TLE6: variants seen among roughly 807,000 people sequenced by gnomAD.
TLE6 encodes TLE family member 6, subcortical maternal complex member.
TLE6 carries 72 observed loss-of-function variants against 77.1 expected under a neutral mutation model. The observed-to-expected ratio is 0.93, with a 90% confidence interval of 0.77 to 1.14. The LOEUF is 1.14. TLE6 is among the 50% of genes most tolerant of loss of function. TLE6 has a pLI of 0.00. For synonymous variants in TLE6, 366 were observed against 287.3 expected (o/e 1.27, Z -2.77); for missense variants, 843 against 747.6 (o/e 1.13, Z -1.49).
chr19:2,978,375 C>T (rs2088722697), intron 2 of TLE6, 91 bp downstream of exon 2: 4 of 1,305,474 alleles, frequency 3.1e-6, no homozygotes, highest in African/African-American at 1.5e-5. Context: ...TGGGCTGGCC[C>T]CGCCCAGGCC....
chr19:2,987,231 A>T lies in TLE6; in HGVS notation c.534A>T (p.Arg178Ser), dbSNP rs746623996. Residue 178 changes from arginine to serine, a missense_variant, in exon 7 of 17, where the codon AGA (arginine) becomes AGT (serine). By Grantham distance (110) the Arg-to-Ser change is moderately radical (BLOSUM62 -1). Coordinates refer to ENST00000246112, the MANE Select transcript of TLE6 (RefSeq NM_001143986.2). Reference protein sequence around the residue: ...AGVHDEKAKPRDRQQAPGLGQ... With the variant: ...AGVHDEKAKPSDRQQAPGLGQ... Reference sequence around the variant, plus strand: ...TCCACGATGAGAAGGCAAAGCCCAGAGACAGACGTGAGTGTCCCTGAGGGT... The same window carrying T: ...TCCACGATGAGAAGGCAAAGCCCAGTGACAGACGTGAGTGTCCCTGAGGGT... 13 of 1,614,022 alleles carry T rather than the reference A, an allele frequency of 8.1e-6. No homozygotes were observed. The highest frequency in any genetic ancestry group is 1.1e-5 in the Non-Finnish European group (13 of 1,180,028).
chr19:2,985,270 C>A (rs2088883088), intron 5 of TLE6, among the ~76,000 whole-genome samples: 1 of 151,940 alleles, frequency 6.6e-6, no homozygotes, highest in African/African-American at 2.4e-5. Flanking sequence ...AAAATTACCA[C>A]TGACTTGTTT....
rs762413748 is a variant in TLE6, at chr19:2,989,324, C to T, written c.993+11C>T. 5 of 1,610,752 alleles carry T rather than the reference C, an allele frequency of 3.1e-6. No homozygotes were observed. The Admixed American group carries it at 8.3e-5, about 27-fold the overall frequency. ...CACCTGCCTATACAGGTGAGGACGG[C>T]CTTGGTTTCCAGGGATGCAGGGCTT... On this transcript the variant is annotated intron_variant, in intron 12 of 16. Coordinates refer to ENST00000246112, the MANE Select transcript of TLE6 (RefSeq NM_001143986.2).
chr19:2,978,128 G>T (rs8110576), intron 1 of TLE6, 70 bp from the exon 2 acceptor site: 6 of 1,200,408 alleles, frequency 5.0e-6, no homozygotes, highest in African/African-American at 4.5e-5. Context: ...GTGGGGTAAC[G>T]GGTGCCTTGC....
chr19:2,988,789 A>G (rs2088974037), intron 11 of TLE6, among the ~76,000 whole-genome samples: 1 of 152,134 alleles, frequency 6.6e-6, no homozygotes, highest in Non-Finnish European at 1.5e-5. Context: ...GAAGGAGCAT[A>G]ATAGCTAGGA....
intron 5 of TLE6, among the ~76,000 whole-genome samples, chr19:2,985,809 C>G (rs912499578): frequency 1.3e-5 from 2 of 150,664 alleles, no homozygotes; most frequent in Admixed American, 6.6e-5. Context: ...GGTGTGGTGG[C>G]TCACACCTGT....
Position 2,985,436 on chromosome 19 carries a change from C to G in TLE6, c.223-1393C>G, listed in dbSNP as rs563420064. Among the ~76,000 whole-genome samples, 19 of 123,232 alleles carry G rather than the reference C, an allele frequency of 1.5e-4. No homozygotes were observed. The South Asian group carries it at 2.5e-3, about 16-fold the overall frequency. The allele number at this position is 123,232 out of a possible 152,430, so 80.8% of individuals were successfully genotyped here. On this transcript the variant is annotated intron_variant, in intron 5 of 16. Coordinates refer to ENST00000246112, the MANE Select transcript of TLE6 (RefSeq NM_001143986.2). ...TTTTTTTTTTGAGACAAGTCTCGCT[C>G]TGTCACCCAGGCTGGAGTGCGGTGG...
Position 2,991,944 on chromosome 19 carries a change from G to C in TLE6, c.1346G>C (p.Arg449Thr). ...PDACLRCWDQ[R>T]TIMKPLEYQF... ...GCCTGTCTGCGGTGCTGGGACCAGA[G>C]GACCATCATGAAACCTCTGGAGTAC... The change falls in exon 14 of 17, where the codon AGG (arginine) becomes ACG (threonine). Residue 449 changes from arginine to threonine, a missense_variant. Transcript: ENST00000246112. 6.2e-7 allele frequency: 1 copy of C among 1,613,972 alleles called. No homozygotes were observed. Among genetic ancestry groups the C allele is most frequent in the Non-Finnish European group, 8.5e-7 (1 of 1,180,008 alleles).
At position 2,989,554 on chromosome 19, in the gene TLE6, G is replaced by A. The variant is rs763793074; in HGVS notation, c.1013G>A (p.Arg338His). 2.1e-5 allele frequency: 34 copies of A among 1,612,410 alleles called. No individual in the cohort carries two copies. Among genetic ancestry groups the A allele is most frequent in the East Asian group, 1.1e-4 (5 of 44,890 alleles). ...TCCCAGACCCCTGGGGCCTTCCTGCGCACCTGCCTGCTGTCCTCAAACAGC... is the reference window on the plus strand; with the variant it reads ...TCCCAGACCCCTGGGGCCTTCCTGCACACCTGCCTGCTGTCCTCAAACAGC... ...LPIQTPGAFL[R>H]TCLLSSNSRS... The change falls in exon 13 of 17, where the codon CGC becomes CAC. Residue 338 changes from arginine (R) to histidine (H), a missense_variant. Transcript: ENST00000246112.
rs867329560 is a variant in TLE6, at chr19:2,984,344, C to G, written c.222+2155C>G. On this transcript the variant is annotated intron_variant, in intron 5 of 16. Transcript: ENST00000246112. ...CCAGGAGGCATCAGCCTGGAGTCCCCCCCCCCCCGCGGGGCTCCGATGGAG... is the reference window on the plus strand; with the variant it reads ...CCAGGAGGCATCAGCCTGGAGTCCCGCCCCCCCCGCGGGGCTCCGATGGAG... The G allele has an allele frequency of 1.3e-5, 2 of 150,932 alleles. 1 individual carries two copies. The highest frequency in any genetic ancestry group is 3.9e-4 in the East Asian group (2 of 5,094). The allele number at this position is 150,932 out of a possible 1,614,324, so 9.3% of individuals were successfully genotyped here. A position where few individuals can be genotyped will look rare whatever the true frequency, so the allele number is the denominator to read the frequency against.
In TLE6 at chr19:2,993,532, T is replaced by G. The variant is rs2089134256; in HGVS notation, c.1487T>G (p.Met496Arg). The G allele has an allele frequency of 1.3e-6, 2 of 1,589,894 alleles. No homozygotes were observed. The highest frequency in any genetic ancestry group is 3.4e-5 in the Admixed American group (2 of 58,376). ...LQSTSGSQRHMVGQKDSVILS... is the reference protein window; with the variant it reads ...LQSTSGSQRHRVGQKDSVILS... ...AGCACCAGCGGGAGCCAGCGGCACATGGTGGGGCAAAAAGACAGCGTCATC... is the reference window on the plus strand; with the variant it reads ...AGCACCAGCGGGAGCCAGCGGCACAGGGTGGGGCAAAAAGACAGCGTCATC... The change falls in exon 15 of 17, where the codon ATG (methionine) becomes AGG (arginine). Residue 496 changes from methionine (M) to arginine (R), a missense_variant. Met to Arg is a moderately conservative substitution (Grantham distance 91, BLOSUM62 -1). Transcript: ENST00000246112.
chr19:2,994,202 G>A, intron 16 of TLE6, 107 bp downstream of exon 16: 2 of 903,402 alleles, frequency 2.2e-6, no homozygotes, highest in South Asian at 1.7e-5. Flanking sequence ...GTAGCCAGGT[G>A]TGGTGGCTCA....
rs137883938 is a variant in TLE6 at position 2,993,154 on chromosome 19, G to A, written c.1387-278G>A. Among the ~76,000 whole-genome samples the A allele has an allele frequency of 2.0e-4, 30 of 151,718 alleles. No homozygotes were observed. In the East Asian group the frequency reaches 4.5e-3, roughly 23 times the overall value. On this transcript the variant is annotated intron_variant, in intron 14 of 16. Coordinates refer to ENST00000246112, the MANE Select transcript of TLE6 (RefSeq NM_001143986.2). ...TAAACCCCAGGAGGCAGACGTTGTC[G>A]TAAGCCGAGATCGTACCATTGTACT... is the stretch of plus-strand genomic sequence containing the variant.
chr19:2,993,116 C>T (rs549385614), intron 14 of TLE6, among the ~76,000 whole-genome samples: 57 of 149,958 alleles, frequency 3.8e-4, no homozygotes, highest in Middle Eastern at 3.5e-3. Flanking sequence ...GAGGCTGAGG[C>T]GGGAGAATCG....
rs1442129480 is a variant in TLE6 at position 2,994,006 on chromosome 19, C to G, written c.1538-13C>G. The G allele has an allele frequency of 1.9e-6, 3 of 1,599,484 alleles. No individual in the cohort carries two copies. Among genetic ancestry groups the G allele is most frequent in the East Asian group, 2.2e-5 (1 of 44,498 alleles). ...AGTGGTTCTAAGTCTCGCTGATGCT[C>G]CATTTCTCCCAGGCCAGTGGTGGGC... On this transcript the variant is annotated splice_polypyrimidine_tract_variant and intron_variant, in intron 15 of 16. Coordinates refer to ENST00000246112, the MANE Select transcript of TLE6 (RefSeq NM_001143986.2).
intron 4 of TLE6, among the ~76,000 whole-genome samples, chr19:2,981,908 G>GT (rs2088806063): frequency 1.3e-5 from 2 of 151,864 alleles, no homozygotes; most frequent in Admixed American, 6.6e-5. Flanking sequence ...GGAGGCAGAG[G>GT]TTGCGGTGAA....
At position 2,988,825 on chromosome 19, in the gene TLE6, C is replaced by T. The variant is rs1260002978; in HGVS notation, c.741-236C>T. The stretch of plus-strand genomic sequence containing the variant: ...CCATAAAGGATGAATAGGAGTTCTT[C>T]CTCCTGGGGCAAAGCAGTCTAGGAA... On this transcript the variant is annotated intron_variant, in intron 11 of 16. Coordinates refer to ENST00000246112, the MANE Select transcript of TLE6 (RefSeq NM_001143986.2). 5.0e-6 allele frequency: 3 copies of T among 600,726 alleles called. No individual in the cohort carries two copies. In the African/African-American group the frequency reaches 5.6e-5, roughly 11 times the overall value. The allele number at this position is 600,726 out of a possible 1,614,324, so 37.2% of individuals were successfully genotyped here. A position where few individuals can be genotyped will look rare whatever the true frequency, so the allele number is the denominator to read the frequency against.
intron 13 of TLE6, among the ~76,000 whole-genome samples, chr19:2,990,857 C>T (rs1291317101): frequency 1.3e-5 from 2 of 151,336 alleles, no homozygotes; most frequent in Non-Finnish European, 2.9e-5. Context: ...TGAAAATTAG[C>T]CGGCGTGGTG....
In TLE6 at chr19:2,989,269, CA is replaced by C; in HGVS notation, c.950del (p.Gln317ArgfsTer43). The C allele has an allele frequency of 2.5e-6, 4 of 1,613,680 alleles. No homozygotes were observed. Among genetic ancestry groups the C allele is most frequent in the Non-Finnish European group, 2.5e-6 (3 of 1,180,036 alleles). Reference protein sequence around the residue: ...RGIKVWSLTGQVAEDRFPESH... With the variant: ...RGIKVWSLTGXVAEDRFPESH... ...CATCAAGGTGTGGAGCCTGACTGGACAGGTGGCTGAGGACAGGTTCCCTGAG... is the reference window on the plus strand; with the variant it reads ...CATCAAGGTGTGGAGCCTGACTGGACGGTGGCTGAGGACAGGTTCCCTGAG... On this transcript the variant is annotated frameshift_variant, in exon 12 of 17. Coordinates refer to ENST00000246112, the MANE Select transcript of TLE6 (RefSeq NM_001143986.2). LOFTEE classifies it high-confidence loss of function.
Sources: allele counts gnomAD v4.1 joint callset (sites outside exome capture counted in the v4.1 genomes callset), GRCh38; gene constraint gnomAD v4.1.1; transcripts MANE v1.5; gene names NCBI Gene and HGNC (gene_info 2026-07-23, HGNC 2026-07-21).